KDM7A: variants seen among roughly 807,000 people sequenced by gnomAD.
KDM7A encodes lysine-specific demethylase 7A.
Under a neutral mutation model 114.8 loss-of-function variants are expected in KDM7A, and 28 were observed. That is an observed-to-expected ratio of 0.24 (90% CI 0.18 to 0.33). The LOEUF (loss-of-function observed/expected upper bound fraction) is 0.33. KDM7A is among the 10% of genes least tolerant of loss of function. The probability of loss-of-function intolerance (pLI) is 1.00; values close to 1 mark genes in which losing one functional copy is unlikely to be tolerated. For synonymous variants in KDM7A, 423 were observed against 397.8 expected (o/e 1.06, Z -0.75); for missense variants, 942 against 1,142.5 (o/e 0.82, Z 2.53).
At chr7:140,100,091 C>G in intron 12 of KDM7A, 68 bp from the exon 13 acceptor site, 2 of 1,523,512 alleles carry the variant, frequency 1.3e-6, no homozygotes, top group South Asian at 2.3e-5. Context: ...TGATGGAATA[C>G]AGTATACCAC....
At chr7:140,142,272 A>T (rs926934230) in intron 1 of KDM7A, among the ~76,000 whole-genome samples, 1 of 151,450 alleles carries the variant, frequency 6.6e-6, no homozygotes, top group African/African-American at 2.4e-5. Flanking sequence ...ATAAGGGGGA[A>T]AACTGATAAC....
chr7:140,156,887 C>T (rs567945615), intron 1 of KDM7A, among the ~76,000 whole-genome samples: 3 of 152,336 alleles, frequency 2.0e-5, no homozygotes, highest in Admixed American at 6.5e-5. Flanking sequence ...AGCCTAGTCT[C>T]GCAAACCTCT....
At chr7:140,135,156 G>T (rs550041304) in intron 2 of KDM7A, among the ~76,000 whole-genome samples, 1 of 149,452 alleles carries the variant, frequency 6.7e-6, no homozygotes, top group South Asian at 2.1e-4. Context: ...TCCTAAATTT[G>T]AGTGTATTTC....
At chr7:140,168,121 G>T (rs899026563) in intron 1 of KDM7A, among the ~76,000 whole-genome samples, 2 of 152,142 alleles carry the variant, frequency 1.3e-5, no homozygotes, top group Non-Finnish European at 2.9e-5. Flanking sequence ...TGATGACAAG[G>T]ATCTAGAGAA....
chr7:140,094,464 C>T (rs954612267), intron 17 of KDM7A, among the ~76,000 whole-genome samples: 1 of 151,740 alleles, frequency 6.6e-6, no homozygotes, highest in African/African-American at 2.4e-5. Context: ...GAGATCATGC[C>T]ACTGCATTCC....
chr7:140,168,535 T>C (rs969653296), intron 1 of KDM7A, among the ~76,000 whole-genome samples: 1 of 149,180 alleles, frequency 6.7e-6, no homozygotes, highest in African/African-American at 2.5e-5. Flanking sequence ...ACCACTGCAC[T>C]CCAGCCTGGG....
intron 10 of KDM7A, among the ~76,000 whole-genome samples, chr7:140,112,518 G>A (rs1001531700): frequency 2.0e-5 from 3 of 152,032 alleles, no homozygotes; most frequent in Non-Finnish European, 4.4e-5. Flanking sequence ...GGCTGAGGCA[G>A]GAGAATCACT....
At chr7:140,142,498 T>A (rs1794295217) in intron 1 of KDM7A, among the ~76,000 whole-genome samples, 1 of 151,090 alleles carries the variant, frequency 6.6e-6, no homozygotes, top group South Asian at 2.1e-4. Flanking sequence ...AGTGGTTGAA[T>A]CACACATAAA....
chr7:140,134,559 C>CT (rs536958807), intron 2 of KDM7A, among the ~76,000 whole-genome samples: 59 of 145,392 alleles, frequency 4.1e-4, no homozygotes, highest in African/African-American at 7.8e-4. Flanking sequence ...TGTTTTAAAT[C>CT]TTTTTTTTTT....
Position 140,126,682 on chromosome 7 carries a change from GA to G in KDM7A, c.842del (p.Phe281SerfsTer23). On this transcript the variant is annotated frameshift_variant, in exon 6 of 20. Transcript: ENST00000397560. LOFTEE classifies it high-confidence loss of function. ...LMGVQDSYTD[F>X]HIDFGGTSVW... ...CTGAAGTTCCACCGAAGTCAATGTG[GA>G]AATCTGTATAGCTGTCTTGAACTCC... The G allele has an allele frequency of 6.2e-7, 1 of 1,613,486 alleles. No homozygotes were observed. Among genetic ancestry groups the G allele is most frequent in the Non-Finnish European group, 8.5e-7 (1 of 1,179,664 alleles).
At chr7:140,121,538 C>T (rs1228675849) in intron 7 of KDM7A, among the ~76,000 whole-genome samples, 16 of 152,162 alleles carry the variant, frequency 1.1e-4, no homozygotes, top group Non-Finnish European at 4.4e-5. Flanking sequence ...TCCTACACAT[C>T]AGTGGTTCTC....
chr7:140,126,575 C>T (rs1344552657), intron 6 of KDM7A, 62 bp downstream of exon 6: 30 of 982,272 alleles, frequency 3.1e-5, no homozygotes, highest in Non-Finnish European at 4.3e-5. Context: ...ATGAATATAC[C>T]ACTGAAAAAC....
chr7:140,152,460 C>A, intron 1 of KDM7A, among the ~76,000 whole-genome samples: 1 of 151,866 alleles, frequency 6.6e-6, no homozygotes, highest in South Asian at 2.1e-4. Flanking sequence ...CCCAACTCTA[C>A]TAAAAATACA....
chr7:140,112,607 T>G (rs888618371), intron 10 of KDM7A, among the ~76,000 whole-genome samples: 1 of 150,500 alleles, frequency 6.6e-6, no homozygotes, highest in Non-Finnish European at 1.5e-5. Flanking sequence ...TAAGACTCTG[T>G]CTAAAAAAAA....
At chr7:140,142,390 C>A (rs1267512463) in intron 1 of KDM7A, among the ~76,000 whole-genome samples, 2 of 151,034 alleles carry the variant, frequency 1.3e-5, no homozygotes, top group East Asian at 3.9e-4. Context: ...AGGAATTATA[C>A]CCAGAATATA....
intron 1 of KDM7A, 105 bp from the exon 2 acceptor site, chr7:140,139,295 C>A: frequency 1.4e-6 from 1 of 712,900 alleles, no homozygotes; most frequent in South Asian, 1.7e-5. Context: ...ACCACCTCAC[C>A]AACACATTTT....
chr7:140,173,137 T>C (rs1794665594), intron 1 of KDM7A, among the ~76,000 whole-genome samples: 1 of 152,136 alleles, frequency 6.6e-6, no homozygotes, highest in South Asian at 2.1e-4. Context: ...AGCGGGGCCT[T>C]ATCAGGAAAG....
chr7:140,129,755 T>C, intron 3 of KDM7A, 102 bp from the exon 4 acceptor site: 2 of 696,134 alleles, frequency 2.9e-6, no homozygotes, highest in Non-Finnish European at 4.9e-6. Context: ...ATTATCTATA[T>C]CAGTGGTTCT....
At position 140,176,019 on chromosome 7, in the gene KDM7A, C is replaced by T. The variant is rs1794701503; in HGVS notation, c.194+725G>A. On this transcript the variant is annotated intron_variant, in intron 1 of 19. Transcript: ENST00000397560. The surrounding 1 kb of genome is among the most constrained non-coding windows in gnomAD (Gnocchi z 4.4). ...GTGTGCGGGGGCCCAGGACCGCGACCCGGGTCAACCTGCCGCCCGCCGGGG... is the reference window on the plus strand; with the variant it reads ...GTGTGCGGGGGCCCAGGACCGCGACTCGGGTCAACCTGCCGCCCGCCGGGG... Among the ~76,000 whole-genome samples, 1 of 152,080 alleles carries T rather than the reference C, an allele frequency of 6.6e-6. No homozygotes were observed. The highest frequency in any genetic ancestry group is 1.5e-5 in the Non-Finnish European group (1 of 67,982).
Sources: allele counts gnomAD v4.1 joint callset (sites outside exome capture counted in the v4.1 genomes callset), GRCh38; gene constraint gnomAD v4.1.1; non-coding constraint Gnocchi (gnomAD v3.1); transcripts MANE v1.5; gene names NCBI Gene and HGNC (gene_info 2026-07-23, HGNC 2026-07-21).